The following PRKRA variants were observed in gnomAD, a reference collection of about 807,000 sequenced individuals.
PRKRA encodes the protein interferon-inducible double-stranded RNA-dependent protein kinase activator A.
A neutral mutation model predicts 32.4 loss-of-function variants in PRKRA; 22 were observed. That is an observed-to-expected ratio of 0.68 (90% confidence interval 0.49 to 0.97). The LOEUF (loss-of-function observed/expected upper bound fraction) is 0.97, where lower values mean the gene tolerates loss of function less well. Ranked by LOEUF, PRKRA falls within the 50% of genes least tolerant of loss-of-function variation. PRKRA has a pLI of 0.00. For synonymous variants in PRKRA, 139 were observed against 129.8 expected (o/e 1.07, Z -0.48); for missense variants, 319 against 375.6 (o/e 0.85, Z 1.25).
chr2:178,450,538 A>C (rs913220414), intron 1 of PRKRA, 127 bp from the exon 2 acceptor site: 7 of 1,567,276 alleles, frequency 4.5e-6, no homozygotes, highest in Non-Finnish European at 6.0e-6. Flanking sequence ...GGCCAGGGCC[A>C]GAGCTGGCGA....
In PRKRA at chr2:178,432,239, T is replaced by C. The variant is rs557879457; in HGVS notation, c.800A>G (p.Asn267Ser). Residue 267 changes from asparagine to serine, a missense_variant, in exon 8 of 8, where the codon AAT becomes AGT. Asn to Ser is a conservative substitution (Grantham distance 46). Coordinates refer to ENST00000325748, the MANE Select transcript of PRKRA (RefSeq NM_003690.5). Reference protein sequence around the residue: ...TYLDIDELSANGQYQCLAELS... With the variant: ...TYLDIDELSASGQYQCLAELS... ...TTCAGCAAGACATTGATATTGTCCA[T>C]TGGCGCTCAGTTCATCTGTAATGAC... 9 of 1,614,262 alleles carry C rather than the reference T, an allele frequency of 5.6e-6. No individual in the cohort carries two copies. Among genetic ancestry groups the C allele is most frequent in the South Asian group, 4.4e-5 (4 of 91,084 alleles).
intron 5 of PRKRA, 69 bp from the exon 6 acceptor site, chr2:178,441,773 TG>T: frequency 7.9e-7 from 1 of 1,260,290 alleles, no homozygotes; most frequent in Non-Finnish European, 1.2e-6. Flanking sequence ...ATCAAACGTA[TG>T]AAGTACTGTG....
At chr2:178,444,356 T>C in intron 4 of PRKRA, 66 bp downstream of exon 4, 1 of 1,019,946 alleles carries the variant, frequency 9.8e-7, no homozygotes. Context: ...ATTCCTTGTG[T>C]TAGCCCCTCT....
At position 178,450,782 on chromosome 2, in the gene PRKRA, G is replaced by T. The variant is rs1575105799; in HGVS notation, c.65+184C>A. On this transcript the variant is annotated intron_variant, in intron 1 of 7. Transcript: ENST00000325748. The stretch of plus-strand genomic sequence containing the variant: ...CGCGCCGCCAGGGACCACGAGAGGG[G>T]CGGGGCCCGGCCGCAGACCCCAACC... The T allele has an allele frequency of 2.2e-6, 3 of 1,340,240 alleles. No homozygotes were observed. The East Asian group carries it at 9.1e-5, about 41-fold the overall frequency. The allele number at this position is 1,340,240 out of a possible 1,614,324, so 83.0% of individuals were successfully genotyped here. A position where few individuals can be genotyped will look rare whatever the true frequency, so the allele number is the denominator to read the frequency against.
chr2:178,441,729 G>A (rs1273368911), intron 5 of PRKRA, 25 bp from the exon 6 acceptor site: 2 of 740,508 alleles, frequency 2.7e-6, no homozygotes, highest in South Asian at 1.9e-5. Flanking sequence ...AGAAATGGTA[G>A]ATTTAGAAAA....
At chr2:178,446,331 T>C (rs1697312229) in intron 3 of PRKRA, among the ~76,000 whole-genome samples, 1 of 152,344 alleles carries the variant, frequency 6.6e-6, no homozygotes, top group Admixed American at 6.5e-5. Context: ...AGATCAATTA[T>C]AATGCATGAC....
chr2:178,437,221 C>A (rs1464711185), intron 6 of PRKRA, among the ~76,000 whole-genome samples: 1 of 152,076 alleles, frequency 6.6e-6, no homozygotes, highest in East Asian at 1.9e-4. Flanking sequence ...AAATAAAGAA[C>A]ACTATTTACA....
At chr2:178,441,288 T>C (rs568028841) in intron 6 of PRKRA, among the ~76,000 whole-genome samples, 1 of 145,786 alleles carries the variant, frequency 6.9e-6, no homozygotes, top group Non-Finnish European at 1.5e-5. Context: ...AAATGTTTGC[T>C]AAGTGAATGA....
Position 178,436,258 on chromosome 2 carries a change from T to C in PRKRA, c.671A>G (p.Glu224Gly). 6.2e-7 allele frequency: 1 copy of C among 1,613,888 alleles called. No individual in the cohort carries two copies. Among genetic ancestry groups the C allele is most frequent in the Non-Finnish European group, 8.5e-7 (1 of 1,179,788 alleles). The change falls in exon 7 of 8, where the codon GAA becomes GGA. Residue 224 changes from glutamate to glycine, a missense_variant. Physicochemically the swap from Glu to Gly is moderately conservative, Grantham distance 98 (BLOSUM62 -2). Transcript: ENST00000325748. ...TWHSLRNSPG[E>G]KINLLKRSLL... ...GCTTCTTTTCAGTAAGTTGATCTTT[T>C]CACCAGGAGAATTCCTCAAGGAATG...
At position 178,436,238 on chromosome 2, in the gene PRKRA, T is replaced by C. The variant is rs1177431029; in HGVS notation, c.691A>G (p.Arg231Gly). Residue 231 changes from arginine to glycine, a missense_variant, in exon 7 of 8, where the codon AGA becomes GGA. Transcript: ENST00000325748. Reference protein sequence around the residue: ...SPGEKINLLKRSLLSIPNTDY... With the variant: ...SPGEKINLLKGSLLSIPNTDY... ...GTATTTGGAATACTAAGGAGGCTTC[T>C]TTTCAGTAAGTTGATCTTTTCACCA... The C allele has an allele frequency of 6.2e-7, 1 of 1,613,488 alleles. No homozygotes were observed. The highest frequency in any genetic ancestry group is 2.2e-5 in the East Asian group (1 of 44,856).
rs997163253 is a variant in PRKRA at position 178,450,663 on chromosome 2, A to G, written c.66-252T>C. On this transcript the variant is annotated intron_variant, in intron 1 of 7. Transcript: ENST00000325748. Reference sequence around the variant, plus strand: ...AATGCGGGTAGGAGAGATTCTCAACAGAACAGGGCTGGCAGCAGCGCCGCA... The same window carrying G: ...AATGCGGGTAGGAGAGATTCTCAACGGAACAGGGCTGGCAGCAGCGCCGCA... 1.5e-5 allele frequency: 21 copies of G among 1,433,214 alleles called. No individual in the cohort carries two copies. The East Asian group carries it at 4.8e-4, about 32-fold the overall frequency. The allele number at this position is 1,433,214 out of a possible 1,614,324, so 88.8% of individuals were successfully genotyped here. A position where few individuals can be genotyped will look rare whatever the true frequency, so the allele number is the denominator to read the frequency against.
chr2:178,431,471 GTAAAT>G lies in PRKRA; in HGVS notation c.*621_*625del, dbSNP rs1486856834. 6.5e-6 allele frequency: 1 copy of G among 153,148 alleles called. No individual in the cohort carries two copies. The highest frequency in any genetic ancestry group is 2.4e-5 in the African/African-American group (1 of 41,446). The allele number at this position is 153,148 out of a possible 1,614,324, so 9.5% of individuals were successfully genotyped here. On this transcript the variant is annotated 3_prime_UTR_variant, in exon 8 of 8. Coordinates refer to ENST00000325748, the MANE Select transcript of PRKRA (RefSeq NM_003690.5). ...TTTATTTTCACCTTTGAATTTCAAA[GTAAAT>G]TAGAGATATGTAAATAACAGAATTA...
intron 7 of PRKRA, among the ~76,000 whole-genome samples, chr2:178,435,498 G>C (rs1171501047): frequency 1.3e-5 from 2 of 151,118 alleles, no homozygotes; most frequent in Non-Finnish European, 2.9e-5. Context: ...GTCCATATTT[G>C]TCTATCCAAA....
chr2:178,432,063 G>A lies in PRKRA; in HGVS notation c.*34C>T. 1 of 1,611,372 alleles carries A rather than the reference G, an allele frequency of 6.2e-7. No individual in the cohort carries two copies. Among genetic ancestry groups the A allele is most frequent in the African/African-American group, 1.3e-5 (1 of 74,958 alleles). On this transcript the variant is annotated 3_prime_UTR_variant, in exon 8 of 8. Transcript: ENST00000325748. The stretch of plus-strand genomic sequence containing the variant: ...AAGGGGCCAGAGGGGAACTTTTTAT[G>A]TGCTACTGAAAGATTTTTTAAGTTG...
At chr2:178,432,643 G>C (rs765910933) in intron 7 of PRKRA, among the ~76,000 whole-genome samples, 1 of 152,098 alleles carries the variant, frequency 6.6e-6, no homozygotes, top group Non-Finnish European at 1.5e-5. Context: ...TTTCTCAAAA[G>C]GGAAAGAACC....
At chr2:178,445,206 G>C (rs1479246483) in intron 3 of PRKRA, among the ~76,000 whole-genome samples, 1 of 152,222 alleles carries the variant, frequency 6.6e-6, no homozygotes, top group East Asian at 1.9e-4. Flanking sequence ...GGGAAAAAGA[G>C]AACAACCTCT....
At chr2:178,450,017 G>A (rs912112693) in intron 2 of PRKRA, 1 of 624,378 alleles carries the variant, frequency 1.6e-6, no homozygotes, top group East Asian at 2.8e-5. Context: ...CATCCGGCTG[G>A]GTAACTTTTT....
intron 7 of PRKRA, among the ~76,000 whole-genome samples, chr2:178,434,413 C>T (rs1183730208): frequency 4.6e-5 from 7 of 151,434 alleles, no homozygotes; most frequent in African/African-American, 1.2e-4. Context: ...ACCTGGCCTC[C>T]AGCCTCTTTT....
intron 2 of PRKRA, among the ~76,000 whole-genome samples, chr2:178,448,984 T>A (rs1340493413): frequency 1.3e-5 from 2 of 152,196 alleles, no homozygotes; most frequent in Non-Finnish European, 2.9e-5. Context: ...CAGGCAAAGA[T>A]GCTCAGCAAG....
Sources: allele counts gnomAD v4.1 joint callset (sites outside exome capture counted in the v4.1 genomes callset), GRCh38; gene constraint gnomAD v4.1.1; transcripts MANE v1.5; gene names NCBI Gene and HGNC (gene_info 2026-07-23, HGNC 2026-07-21).